The following SMIM44 variants were observed in gnomAD, a reference collection of about 807,000 sequenced individuals.
SMIM44 encodes the protein small integral membrane protein 44.
At chr19:3,482,668 A>T in the SMIM44 span, 1 of 395,394 alleles carries the variant, frequency 2.5e-6, no homozygotes, top group South Asian at 1.4e-4. Context: ...CCAGCGTCCA[A>T]CCCCCGGAAC....
the SMIM44 span, chr19:3,483,404 G>A: frequency 5.0e-6 from 2 of 397,890 alleles, no homozygotes; most frequent in Admixed American, 4.4e-5. Flanking sequence ...GCCCCGGCAT[G>A]GTGTCCGCCC....
At chr19:3,482,459 A>T in the SMIM44 span, among the ~76,000 whole-genome samples, 11 of 152,370 alleles carry the variant, frequency 7.2e-5, no homozygotes, top group South Asian at 2.3e-3. Context: ...AGTGGGGGCG[A>T]TCAGTCCTAC....
chr19:3,483,162 C>G, the SMIM44 span: 1 of 398,358 alleles, frequency 2.5e-6, no homozygotes, highest in Non-Finnish European at 4.4e-6. Flanking sequence ...CAGGGTGACC[C>G]AGCATCGGCC....
chr19:3,482,231 C>G, the SMIM44 span, among the ~76,000 whole-genome samples: 4 of 152,184 alleles, frequency 2.6e-5, no homozygotes, highest in Non-Finnish European at 5.9e-5. Context: ...GTCAGGACCA[C>G]CCCCCAGAGA....
the SMIM44 span, chr19:3,482,928 TC>T: frequency 2.5e-6 from 1 of 398,072 alleles, no homozygotes; most frequent in East Asian, 3.6e-5. Context: ...CCCGCCGGCG[TC>T]CTCCTCGCCC....
At chr19:3,482,701 C>A in the SMIM44 span, 21 of 396,224 alleles carry the variant, frequency 5.3e-5, no homozygotes, top group South Asian at 2.8e-3. Flanking sequence ...AAGGAGAAAG[C>A]CGTCCGCTGC....
the SMIM44 span, among the ~76,000 whole-genome samples, chr19:3,482,382 C>T: frequency 6.6e-6 from 1 of 152,186 alleles, no homozygotes; most frequent in Non-Finnish European, 1.5e-5. Flanking sequence ...CTGAGAAAAG[C>T]ACTCTGTGCT....
the SMIM44 span, among the ~76,000 whole-genome samples, chr19:3,482,152 C>T: frequency 9.8e-5 from 15 of 152,342 alleles, no homozygotes; most frequent in African/African-American, 3.4e-4. Flanking sequence ...CTGTGTATCC[C>T]GTCTTGTGCA....
At chr19:3,483,334 G>A in the SMIM44 span, 11 of 398,152 alleles carry the variant, frequency 2.8e-5, no homozygotes, top group Admixed American at 4.4e-5. Flanking sequence ...GGCGGCGGCC[G>A]GTACTCCTCG....
the SMIM44 span, chr19:3,482,840 T>TG: frequency 1.9e-5 from 5 of 264,178 alleles, no homozygotes; most frequent in African/African-American, 2.8e-5. Context: ...AGCTTCGGGA[T>TG]GGGGGGTCCT....
the SMIM44 span, among the ~76,000 whole-genome samples, chr19:3,482,256 A>C: frequency 6.6e-6 from 1 of 152,206 alleles, no homozygotes; most frequent in Non-Finnish European, 1.5e-5. Context: ...CAAACCCAGC[A>C]GCCGAGGCGG....
the SMIM44 span, chr19:3,483,083 C>T: frequency 7.8e-5 from 31 of 398,486 alleles, 3 homozygotes; most frequent in African/African-American, 3.5e-4. Context: ...GGCAACTCCC[C>T]GGCCCCGGCC....
chr19:3,482,187 G>A, the SMIM44 span, among the ~76,000 whole-genome samples: 4 of 152,214 alleles, frequency 2.6e-5, no homozygotes, highest in African/African-American at 9.6e-5. Flanking sequence ...AGGAGGCCTT[G>A]GTGCTGTCTG....
the SMIM44 span, chr19:3,483,299 C>T: frequency 2.5e-6 from 1 of 398,370 alleles, no homozygotes; most frequent in African/African-American, 2.1e-5. Flanking sequence ...ACAGCACGTA[C>T]CTGGGCAGGC....
At chr19:3,483,120 G>A in the SMIM44 span, 4 of 398,260 alleles carry the variant, frequency 1.0e-5, no homozygotes, top group Non-Finnish European at 1.8e-5. Context: ...TCCTCAGCTA[G>A]GAGAAGCACT....
At chr19:3,483,435 G>C in the SMIM44 span, 1 of 397,376 alleles carries the variant, frequency 2.5e-6, no homozygotes, top group Non-Finnish European at 4.4e-6. Context: ...AGGCCCGGAG[G>C]TGACCCACAC....
chr19:3,482,151 C>T, the SMIM44 span, among the ~76,000 whole-genome samples: 4 of 152,192 alleles, frequency 2.6e-5, no homozygotes, highest in Admixed American at 6.5e-5. Flanking sequence ...ACTGTGTATC[C>T]CGTCTTGTGC....
the SMIM44 span, chr19:3,483,386 G>T: frequency 2.5e-6 from 1 of 397,956 alleles, no homozygotes; most frequent in South Asian, 1.3e-4. Flanking sequence ...CCTCCCCCTC[G>T]GCCGCCAGCC....
chr19:3,482,987 G>C, the SMIM44 span: 3,962 of 398,372 alleles, frequency 9.9e-3, 122 homozygotes, highest in African/African-American at 0.07. Context: ...AGTCCTCGCC[G>C]GTCAGGCTGG....
Sources: allele counts gnomAD v4.1 joint callset (sites outside exome capture counted in the v4.1 genomes callset), GRCh38; gene constraint gnomAD v4.1.1; transcripts MANE v1.5; gene names NCBI Gene and HGNC (gene_info 2026-07-23, HGNC 2026-07-21).